The following ZC3HAV1 variants were observed in gnomAD, a reference collection of about 807,000 sequenced individuals.
ZC3HAV1 encodes the protein zinc finger CCCH-type containing, antiviral 1, also known as zinc finger CCCH-type antiviral protein 1.
In ZC3HAV1, 41 loss-of-function variants were observed where a neutral mutation model predicts 86.6. That is an observed-to-expected ratio of 0.47 (90% CI 0.37 to 0.61). ZC3HAV1 has a LOEUF of 0.61. ZC3HAV1 is among the 20% of genes least tolerant of loss of function. The pLI, the probability that ZC3HAV1 is intolerant of heterozygous loss-of-function variation, is 0.00. For synonymous variants in ZC3HAV1, 421 were observed against 432.1 expected (o/e 0.97, Z 0.32); for missense variants, 964 against 1,141.1 (o/e 0.84, Z 2.24).
chr7:139,090,956 A>G (rs1817411969), intron 1 of ZC3HAV1, among the ~76,000 whole-genome samples: 1 of 152,136 alleles, frequency 6.6e-6, no homozygotes, highest in Non-Finnish European at 1.5e-5. Context: ...CCAGTCACTC[A>G]GGCTCTAGCG....
rs1816137239 is a variant in ZC3HAV1, at chr7:139,052,005, T to C, written c.2449+1446A>G. ...TTTTTAATTTTCTAGTTTTTATTTA[T>C]GAAGTTAATTCCCTCAAACATTAAG... On this transcript the variant is annotated intron_variant, in intron 12 of 12. Transcript: ENST00000242351. 2.6e-5 allele frequency among the ~76,000 whole-genome samples: 4 copies of C among 152,190 alleles called. No homozygotes were observed. The South Asian group carries it at 8.3e-4, about 31-fold the overall frequency.
At chr7:139,104,984 G>C (rs1239997779) in intron 1 of ZC3HAV1, among the ~76,000 whole-genome samples, 1 of 142,012 alleles carries the variant, frequency 7.0e-6, no homozygotes, top group East Asian at 2.1e-4. Context: ...AGCGAGCTGA[G>C]ATCACGCCAC....
chr7:139,087,881 AG>A (rs1817316087), intron 2 of ZC3HAV1, among the ~76,000 whole-genome samples: 1 of 151,770 alleles, frequency 6.6e-6, no homozygotes, highest in Non-Finnish European at 1.5e-5. Flanking sequence ...TTTAAAAAAA[AG>A]TTAGCCAGCT....
chr7:139,079,980 T>A lies in ZC3HAV1; in HGVS notation c.961A>T (p.Thr321Ser). 1 of 1,614,210 alleles carries A rather than the reference T, an allele frequency of 6.2e-7. No homozygotes were observed. The highest frequency in any genetic ancestry group is 1.1e-5 in the South Asian group (1 of 91,082). The change falls in exon 4 of 13, where the codon ACA becomes TCA. Residue 321 changes from threonine (T) to serine (S), a missense_variant. Thr to Ser is a moderately conservative substitution (Grantham distance 58). Coordinates refer to ENST00000242351, the MANE Select transcript of ZC3HAV1 (RefSeq NM_020119.4). ...GSSKATDLGG[T>S]SQAGTSQRFL... ...CTCTGGCTTGTCCCGGCCTGACTTG[T>A]TCCTCCAAGATCAGTAGCCTTGGAC...
chr7:139,052,836 G>A (rs1816174017), intron 12 of ZC3HAV1, among the ~76,000 whole-genome samples: 1 of 151,734 alleles, frequency 6.6e-6, no homozygotes, highest in African/African-American at 2.4e-5. Context: ...GGCTGAAGTT[G>A]TAGGATCACT....
intron 1 of ZC3HAV1, among the ~76,000 whole-genome samples, chr7:139,097,070 A>G (rs1817610372): frequency 6.6e-6 from 1 of 152,026 alleles, no homozygotes; most frequent in Non-Finnish European, 1.5e-5. Context: ...CCCAGGAGGC[A>G]GAGGTTGCAG....
chr7:139,059,375 G>C (rs1816382071), intron 9 of ZC3HAV1, among the ~76,000 whole-genome samples: 1 of 152,184 alleles, frequency 6.6e-6, no homozygotes, highest in Non-Finnish European at 1.5e-5. Flanking sequence ...CCAGCACTTT[G>C]GGAGGCTGAG....
chr7:139,068,263 T>C (rs1816666807), intron 7 of ZC3HAV1, among the ~76,000 whole-genome samples: 2 of 151,888 alleles, frequency 1.3e-5, no homozygotes, highest in Non-Finnish European at 2.9e-5. Flanking sequence ...TTTCACCATG[T>C]TGTCCAGGCT....
At chr7:139,076,520 C>G (rs1003713780) in intron 5 of ZC3HAV1, 111 bp from the exon 6 acceptor site, 1 of 1,408,292 alleles carries the variant, frequency 7.1e-7, no homozygotes, top group Non-Finnish European at 9.7e-7. Flanking sequence ...CCCTGCCAGA[C>G]AGGTTCCATC....
intron 3 of ZC3HAV1, among the ~76,000 whole-genome samples, chr7:139,081,744 T>C (rs192842881): frequency 6.6e-5 from 10 of 152,358 alleles, no homozygotes; most frequent in Admixed American, 6.5e-5. Flanking sequence ...TCTACCTTTC[T>C]TTGTGGTTTC....
chr7:139,075,183 C>T (rs2130699244), intron 6 of ZC3HAV1, among the ~76,000 whole-genome samples: 1 of 152,304 alleles, frequency 6.6e-6, no homozygotes, highest in East Asian at 1.9e-4. Flanking sequence ...CGGCTCTCCA[C>T]TTGCCTGGGA....
At position 139,108,880 on chromosome 7, in the gene ZC3HAV1, G is replaced by T; in HGVS notation, c.308+144C>A. 1 of 1,094,114 alleles carries T rather than the reference G, an allele frequency of 9.1e-7. No homozygotes were observed. Among genetic ancestry groups the T allele is most frequent in the Non-Finnish European group, 1.3e-6 (1 of 777,866 alleles). The allele number at this position is 1,094,114 out of a possible 1,614,324, so 67.8% of individuals were successfully genotyped here. On this transcript the variant is annotated intron_variant, in intron 1 of 12. Coordinates refer to ENST00000242351, the MANE Select transcript of ZC3HAV1 (RefSeq NM_020119.4). This position sits in a 1 kb window ranked among gnomAD's most constrained non-coding sequence, Gnocchi z 4.2. ...CGGGCCCTGCAGAGGCTCCCAGAGG[G>T]GAGCAGAGAAGGGAGTGGCTGGAGG... is the stretch of plus-strand genomic sequence containing the variant.
At chr7:139,084,075 T>C in intron 2 of ZC3HAV1, 43 bp from the exon 3 acceptor site, 1 of 1,594,694 alleles carries the variant, frequency 6.3e-7, no homozygotes, top group Non-Finnish European at 8.6e-7. Context: ...AACACCTTCT[T>C]GTATTTGCCA....
Position 139,109,241 on chromosome 7 carries a change from C to G in ZC3HAV1, c.91G>C (p.Ala31Pro). Residue 31 changes from alanine (A) to proline (P), a missense_variant, in exon 1 of 13, where the codon GCG becomes CCG. Coordinates refer to ENST00000242351, the MANE Select transcript of ZC3HAV1 (RefSeq NM_020119.4). The part of the protein sequence containing the change: ...MALDALLQEI[A>P]LSEPQLCEVL... ...TCACAGAGCTGCGGCTCAGACAGCG[C>G]GATCTCCTGGAGCAGCGCGTCCAGG... The G allele has an allele frequency of 6.2e-7, 1 of 1,611,782 alleles. No homozygotes were observed. The highest frequency in any genetic ancestry group is 8.5e-7 in the Non-Finnish European group (1 of 1,179,238).
At position 139,109,476 on chromosome 7, in the gene ZC3HAV1, G is replaced by T; in HGVS notation, c.-145C>A. Reference sequence around the variant, plus strand: ...AGTCAGCGAGGGCGCGCTCTCCGTCGCCGTTAGCCCAGCCCAGCGATCCAC... The same window carrying T: ...AGTCAGCGAGGGCGCGCTCTCCGTCTCCGTTAGCCCAGCCCAGCGATCCAC... On this transcript the variant is annotated 5_prime_UTR_variant, in exon 1 of 13. Transcript: ENST00000242351. The T allele has an allele frequency of 9.7e-7, 1 of 1,031,406 alleles. No homozygotes were observed. Among genetic ancestry groups the T allele is most frequent in the Non-Finnish European group, 1.4e-6 (1 of 736,156 alleles). The allele number at this position is 1,031,406 out of a possible 1,614,324, so 63.9% of individuals were successfully genotyped here.
rs1299978409 is a variant in ZC3HAV1 at position 139,046,177 on chromosome 7, C to T, written c.*1417G>A. ...CACGTCAAGGGCTCTAAGTAAAAACCGATGGCACTACAATTCCACATAATC... is the reference window on the plus strand; with the variant it reads ...CACGTCAAGGGCTCTAAGTAAAAACTGATGGCACTACAATTCCACATAATC... On this transcript the variant is annotated 3_prime_UTR_variant, in exon 13 of 13. Coordinates refer to ENST00000242351, the MANE Select transcript of ZC3HAV1 (RefSeq NM_020119.4). The T allele has an allele frequency of 3.3e-5, 5 of 152,026 alleles. No individual in the cohort carries two copies. Among genetic ancestry groups the T allele is most frequent in the East Asian group, 3.8e-4 (2 of 5,196 alleles). 9.4% of individuals were successfully genotyped at this position (152,026 alleles called of 1,614,324 possible).
chr7:139,060,047 TC>T (rs1816399773), intron 9 of ZC3HAV1, among the ~76,000 whole-genome samples: 1 of 152,138 alleles, frequency 6.6e-6, no homozygotes, highest in Non-Finnish European at 1.5e-5. Context: ...GTTAACCTGG[TC>T]CCAAGAAAGA....
chr7:139,089,762 G>A lies in ZC3HAV1; in HGVS notation c.309-3C>T. The stretch of plus-strand genomic sequence containing the variant: ...CATGAGAATATTTGCATAAATTCCT[G>A]GAAGAAAACACGACAATGGTCAGTA... On this transcript the variant is annotated splice_polypyrimidine_tract_variant and splice_region_variant and intron_variant, in intron 1 of 12. Coordinates refer to ENST00000242351, the MANE Select transcript of ZC3HAV1 (RefSeq NM_020119.4). 6.2e-7 allele frequency: 1 copy of A among 1,604,748 alleles called. No homozygotes were observed. Among genetic ancestry groups the A allele is most frequent in the Non-Finnish European group, 8.5e-7 (1 of 1,177,128 alleles).
At chr7:139,052,625 A>G (rs2130663878) in intron 12 of ZC3HAV1, among the ~76,000 whole-genome samples, 1 of 149,776 alleles carries the variant, frequency 6.7e-6, no homozygotes, top group South Asian at 2.1e-4. Context: ...AAAAAAAAAA[A>G]AAAAGAGTTG....
Sources: allele counts gnomAD v4.1 joint callset (sites outside exome capture counted in the v4.1 genomes callset), GRCh38; gene constraint gnomAD v4.1.1; non-coding constraint Gnocchi (gnomAD v3.1); transcripts MANE v1.5; gene names NCBI Gene and HGNC (gene_info 2026-07-23, HGNC 2026-07-21).